Variants in ALK observed in about 807,000 individuals in gnomAD.
ALK encodes ALK tyrosine kinase receptor.
In ALK, 74 loss-of-function variants were observed where a neutral mutation model predicts 163.1. That is an observed-to-expected ratio of 0.45 (90% confidence interval 0.38 to 0.55). The LOEUF (loss-of-function observed/expected upper bound fraction) is 0.55. ALK is among the 20% of genes least tolerant of loss of function. ALK has a pLI of 0.00. For missense variants in ALK, 2,063 were observed against 2,105.3 expected (o/e 0.98, Z 0.39); for synonymous variants, 960 against 843.2 (o/e 1.14, Z -2.40).
At chr2:29,784,461 T>C (rs4464232) in intron 1 of ALK, among the ~76,000 whole-genome samples, 14,803 of 152,136 alleles carry the variant, frequency 0.097, 1,247 homozygotes, top group African/African-American at 0.23. Flanking sequence ...TTTGGAAGGC[T>C]GAGGCGGGCA....
At chr2:29,416,132 G>A (rs1669870845) in intron 4 of ALK, among the ~76,000 whole-genome samples, 1 of 152,172 alleles carries the variant, frequency 6.6e-6, no homozygotes, top group African/African-American at 2.4e-5. Context: ...GCTTTCATAT[G>A]TCTATATATA....
chr2:29,836,960 A>G (rs1181764773), intron 1 of ALK, among the ~76,000 whole-genome samples: 1 of 152,214 alleles, frequency 6.6e-6, no homozygotes, highest in African/African-American at 2.4e-5. Context: ...AAACTAAAAA[A>G]TATTCATATT....
At chr2:29,859,861 T>C (rs1313383893) in intron 1 of ALK, among the ~76,000 whole-genome samples, 3 of 152,188 alleles carry the variant, frequency 2.0e-5, no homozygotes, top group African/African-American at 7.2e-5. Context: ...TGTGAAAATT[T>C]GACATATTGA....
chr2:29,891,397 T>C (rs1247090159), intron 1 of ALK, among the ~76,000 whole-genome samples: 1 of 152,208 alleles, frequency 6.6e-6, no homozygotes, highest in African/African-American at 2.4e-5. Flanking sequence ...CTTACAGTAA[T>C]GTGGGTAACA....
intron 3 of ALK, among the ~76,000 whole-genome samples, chr2:29,596,475 G>C (rs897022109): frequency 2.0e-5 from 3 of 152,194 alleles, no homozygotes; most frequent in Admixed American, 6.5e-5. Flanking sequence ...TCCCTGAAGA[G>C]AGAGTGATTT....
intron 3 of ALK, among the ~76,000 whole-genome samples, chr2:29,582,087 A>G (rs148082686): frequency 5.2e-4 from 79 of 152,332 alleles, no homozygotes; most frequent in African/African-American, 1.8e-3. Flanking sequence ...AGACAAAGAA[A>G]TATCTCCCAC....
At chr2:29,414,948 G>A (rs1669830445) in intron 4 of ALK, among the ~76,000 whole-genome samples, 1 of 151,984 alleles carries the variant, frequency 6.6e-6, no homozygotes, top group South Asian at 2.1e-4. Flanking sequence ...AGTCATTCCA[G>A]AGGATGTCAC....
Position 29,821,074 on chromosome 2 carries a change from G to T in ALK, c.667+98919C>A, listed in dbSNP as rs147484973. ...GGGTGTCTGGCTGAAGCCTCCACTA[G>T]AGGAGGGGATCGAGACTACTGCCAA... On this transcript the variant is annotated intron_variant, in intron 1 of 28. Transcript: ENST00000389048. Among the ~76,000 whole-genome samples the T allele has an allele frequency of 2.6e-5, 4 of 152,348 alleles. No individual in the cohort carries two copies. The East Asian group carries it at 7.7e-4, about 29-fold the overall frequency.
At chr2:29,512,043 A>AG (rs1672536001) in intron 4 of ALK, among the ~76,000 whole-genome samples, 2 of 151,750 alleles carry the variant, frequency 1.3e-5, no homozygotes, top group Non-Finnish European at 2.9e-5. Flanking sequence ...TTGAATATTT[A>AG]AAAGTTTTAA....
At chr2:29,764,463 A>G (rs1362347495) in intron 1 of ALK, among the ~76,000 whole-genome samples, 1 of 152,204 alleles carries the variant, frequency 6.6e-6, no homozygotes, top group Non-Finnish European at 1.5e-5. Context: ...AAATCAGGAA[A>G]ATAGTTCTTC....
chr2:29,589,994 A>G (rs931128951), intron 3 of ALK, among the ~76,000 whole-genome samples: 2 of 152,170 alleles, frequency 1.3e-5, no homozygotes, highest in African/African-American at 4.8e-5. Flanking sequence ...GTGCCAGGGA[A>G]TAAGAAACTA....
chr2:29,791,897 G>A (rs1023287141), intron 1 of ALK, among the ~76,000 whole-genome samples: 2 of 152,066 alleles, frequency 1.3e-5, no homozygotes, highest in Non-Finnish European at 2.9e-5. Flanking sequence ...CTAAACAATC[G>A]GGTGATTCAG....
chr2:29,454,134 G>C (rs1240241320), intron 4 of ALK, among the ~76,000 whole-genome samples: 1 of 152,124 alleles, frequency 6.6e-6, no homozygotes, highest in African/African-American at 2.4e-5. Flanking sequence ...ATTGGAGCAA[G>C]ACTAATTCAG....
intron 3 of ALK, among the ~76,000 whole-genome samples, chr2:29,566,836 T>A (rs1674204631): frequency 6.6e-6 from 1 of 152,062 alleles, no homozygotes; most frequent in Non-Finnish European, 1.5e-5. Context: ...TGGGAGATGA[T>A]CATCATATAT....
chr2:29,366,528 C>T (rs927763827), intron 5 of ALK, among the ~76,000 whole-genome samples: 1 of 152,138 alleles, frequency 6.6e-6, no homozygotes, highest in African/African-American at 2.4e-5. Context: ...GTGGGCAGAC[C>T]TGGAGGTCCT....
At chr2:29,753,257 T>A (rs1680424866) in intron 1 of ALK, among the ~76,000 whole-genome samples, 1 of 152,198 alleles carries the variant, frequency 6.6e-6, no homozygotes, top group African/African-American at 2.4e-5. Context: ...CTGCCACTAA[T>A]CTTAAAAAAT....
chr2:29,812,173 G>A (rs1664776173), intron 1 of ALK, among the ~76,000 whole-genome samples: 2 of 152,128 alleles, frequency 1.3e-5, no homozygotes, highest in South Asian at 2.1e-4. Flanking sequence ...CAGATCTCAG[G>A]TGTTGTGCCC....
At chr2:29,649,456 A>G (rs2148252419) in intron 3 of ALK, among the ~76,000 whole-genome samples, 1 of 152,170 alleles carries the variant, frequency 6.6e-6, no homozygotes, top group East Asian at 1.9e-4. Context: ...AGCCAATTGG[A>G]ATTTCTATGC....
chr2:29,316,463 TAAG>T (rs1210850487), intron 8 of ALK, among the ~76,000 whole-genome samples: 64 of 152,216 alleles, frequency 4.2e-4, no homozygotes, highest in African/African-American at 1.5e-3. Context: ...AACACCTGTT[TAAG>T]CTATTGATCA....
Sources: gnomAD v4.1 joint callset for allele counts (sites outside exome capture counted in the v4.1 genomes callset) on GRCh38, gnomAD v4.1.1 for gene constraint, MANE v1.5 for transcripts, NCBI Gene and HGNC (gene_info 2026-07-23, HGNC 2026-07-21) for gene names.